PKNOX2: variants seen among roughly 807,000 people sequenced by gnomAD.
PKNOX2 encodes homeobox protein PKNOX2.
A neutral mutation model predicts 53.1 loss-of-function variants in PKNOX2; 14 were observed. The observed-to-expected ratio is 0.26, with a 90% confidence interval of 0.17 to 0.41. The LOEUF is 0.41. Ranked by LOEUF, PKNOX2 falls within the 10% of genes least tolerant of loss-of-function variation. The pLI is 1.00. For missense variants in PKNOX2, 496 were observed against 602.8 expected (o/e 0.82, Z 1.85); for synonymous variants, 257 against 242.8 (o/e 1.06, Z -0.54).
At chr11:125,266,923 G>T (rs1182289526) in intron 2 of PKNOX2, 1 of 152,258 alleles carries the variant, frequency 6.6e-6, no homozygotes, top group Non-Finnish European at 1.5e-5. Context: ...TCCACGTTGT[G>T]CTAGGGCCTT....
chr11:125,431,139 C>G, intron 12 of PKNOX2, 27 bp from the exon 13 acceptor site: 1 of 1,607,898 alleles, frequency 6.2e-7, no homozygotes. Flanking sequence ...GCCCCTGCCT[C>G]GTCCTGACCC....
In PKNOX2 at chr11:125,247,172, C is replaced by T. The variant is rs547685219; in HGVS notation, c.-130+12057C>T. Among the ~76,000 whole-genome samples the T allele has an allele frequency of 2.0e-3, 307 of 152,262 alleles. 1 individual carries two copies. The highest frequency in any genetic ancestry group is 3.4e-3 in the Middle Eastern group (1 of 294). On this transcript the variant is annotated intron_variant, in intron 2 of 12. Coordinates refer to ENST00000298282, the MANE Select transcript of PKNOX2 (RefSeq NM_001382323.2). ...GCAGATCCCAGAACCATCTGCCTTTCCCGGCAGGATTTTGGGCTTCTGTAC... is the reference window on the plus strand; with the variant it reads ...GCAGATCCCAGAACCATCTGCCTTTTCCGGCAGGATTTTGGGCTTCTGTAC...
intron 1 of PKNOX2, among the ~76,000 whole-genome samples, chr11:125,209,730 A>G (rs1337130040): frequency 6.6e-6 from 1 of 152,040 alleles, no homozygotes; most frequent in African/African-American, 2.4e-5. Context: ...GATCAGAGCC[A>G]TCTTTGTTGT....
intron 2 of PKNOX2, among the ~76,000 whole-genome samples, chr11:125,282,942 A>G (rs745761389): frequency 6.6e-6 from 1 of 152,174 alleles, no homozygotes; most frequent in Non-Finnish European, 1.5e-5. Context: ...ACTTGAGGTC[A>G]GGAGTTCGAG....
intron 1 of PKNOX2, among the ~76,000 whole-genome samples, chr11:125,225,196 A>C (rs1211863544): frequency 5.9e-5 from 9 of 152,260 alleles, no homozygotes; most frequent in Admixed American, 5.9e-4. Flanking sequence ...CCTGCTGGGG[A>C]GAACCCGTCC....
At chr11:125,260,589 G>A (rs190197184) in intron 2 of PKNOX2, among the ~76,000 whole-genome samples, 10 of 152,200 alleles carry the variant, frequency 6.6e-5, no homozygotes, top group Admixed American at 2.0e-4. Context: ...AAGTAAAGAC[G>A]AGTTCTGTTG....
intron 3 of PKNOX2, among the ~76,000 whole-genome samples, chr11:125,344,367 G>A (rs1356638164): frequency 6.6e-6 from 1 of 152,232 alleles, no homozygotes; most frequent in African/African-American, 2.4e-5. Flanking sequence ...ACGCTCCTTG[G>A]GATGGAAATT....
chr11:125,206,186 G>A (rs909450223), intron 1 of PKNOX2, among the ~76,000 whole-genome samples: 1 of 152,040 alleles, frequency 6.6e-6, no homozygotes, highest in African/African-American at 2.4e-5. Flanking sequence ...TGTCTAGTGG[G>A]CGGTGGGGGG....
chr11:125,201,415 T>C (rs589839), intron 1 of PKNOX2, among the ~76,000 whole-genome samples: 38,459 of 151,782 alleles, frequency 0.25, 5,262 homozygotes, highest in South Asian at 0.37. Flanking sequence ...CCTCCAAAGT[T>C]CTGGGGACTT....
chr11:125,386,843 T>C (rs1177171917), intron 6 of PKNOX2, among the ~76,000 whole-genome samples: 1 of 148,790 alleles, frequency 6.7e-6, no homozygotes, highest in Non-Finnish European at 1.5e-5. Flanking sequence ...AATATGTGAC[T>C]GTATGGAGTC....
In PKNOX2 at chr11:125,295,417, CGT is replaced by C. The variant is rs375238827; in HGVS notation, c.-129-36392_-129-36391del. Among the ~76,000 whole-genome samples the C allele has an allele frequency of 5.3e-5, 8 of 152,138 alleles. No individual in the cohort carries two copies. In the South Asian group the frequency reaches 1.7e-3, roughly 32 times the overall value. On this transcript the variant is annotated intron_variant, in intron 2 of 12. Transcript: ENST00000298282. ...TGGATCAAATCCATGTATGTACACA[CGT>C]GTGTGTGTGCATGTGTCCATACACA...
At chr11:125,430,250 C>A in intron 12 of PKNOX2, 109 bp downstream of exon 12, 1 of 1,270,364 alleles carries the variant, frequency 7.9e-7, no homozygotes, top group Non-Finnish European at 1.1e-6. Flanking sequence ...CCTGGGCTCC[C>A]ATCGCTGCCA....
intron 2 of PKNOX2, among the ~76,000 whole-genome samples, chr11:125,253,281 ATAT>A (rs1317456964): frequency 1.3e-5 from 2 of 151,256 alleles, no homozygotes; most frequent in African/African-American, 2.5e-5. Context: ...TATCATGTAG[ATAT>A]TATCATTTTT....
intron 5 of PKNOX2, among the ~76,000 whole-genome samples, chr11:125,369,775 G>A (rs1367127346): frequency 6.6e-6 from 1 of 152,164 alleles, no homozygotes; most frequent in East Asian, 1.9e-4. Context: ...AAGGTGCAGT[G>A]GGCTTGTGCT....
intron 2 of PKNOX2, among the ~76,000 whole-genome samples, chr11:125,245,915 T>C (rs1283195325): frequency 1.3e-5 from 2 of 152,168 alleles, no homozygotes; most frequent in Non-Finnish European, 2.9e-5. Flanking sequence ...TGTTTTGTTT[T>C]GTTTTTAAGG....
At chr11:125,209,948 A>T (rs1293172903) in intron 1 of PKNOX2, among the ~76,000 whole-genome samples, 1 of 152,112 alleles carries the variant, frequency 6.6e-6, no homozygotes, top group Non-Finnish European at 1.5e-5. Context: ...GAAAGACCAG[A>T]TCAGCACATG....
chr11:125,200,697 G>T (rs775752292), intron 1 of PKNOX2, among the ~76,000 whole-genome samples: 1 of 152,192 alleles, frequency 6.6e-6, no homozygotes, highest in Non-Finnish European at 1.5e-5. Flanking sequence ...CTGCAGTCAC[G>T]TATGTATTTA....
At chr11:125,294,576 A>G (rs1004497585) in intron 2 of PKNOX2, among the ~76,000 whole-genome samples, 2 of 152,146 alleles carry the variant, frequency 1.3e-5, no homozygotes, top group African/African-American at 4.8e-5. Flanking sequence ...GTGAGTAGAA[A>G]ACATGAGTCA....
At chr11:125,256,679 C>T (rs1306207548) in intron 2 of PKNOX2, among the ~76,000 whole-genome samples, 1 of 152,170 alleles carries the variant, frequency 6.6e-6, no homozygotes, top group Non-Finnish European at 1.5e-5. Flanking sequence ...TTTTGTTCAC[C>T]AACCCCCTGA....
Sources: allele counts gnomAD v4.1 joint callset (sites outside exome capture counted in the v4.1 genomes callset), GRCh38; gene constraint gnomAD v4.1.1; transcripts MANE v1.5; gene names NCBI Gene and HGNC (gene_info 2026-07-23, HGNC 2026-07-21).